The following SLC44A1 variants were observed in gnomAD, a reference collection of about 807,000 sequenced individuals.
SLC44A1 encodes the protein solute carrier family 44 member 1.
In SLC44A1, 26 loss-of-function variants were observed where a neutral mutation model predicts 79.3. The observed-to-expected ratio is 0.33, with a 90% CI of 0.24 to 0.46. SLC44A1 has a LOEUF of 0.46. Ranked by LOEUF, SLC44A1 falls within the 20% of genes least tolerant of loss-of-function variation. The probability of loss-of-function intolerance (pLI) is 1.00; values close to 1 mark genes in which losing one functional copy is unlikely to be tolerated. For synonymous variants in SLC44A1, 263 were observed against 286.2 expected (o/e 0.92, Z 0.82); for missense variants, 688 against 798.1 (o/e 0.86, Z 1.66).
intron 3 of SLC44A1, among the ~76,000 whole-genome samples, chr9:105,320,233 T>C (rs1826348025): frequency 6.6e-6 from 1 of 152,062 alleles, no homozygotes; most frequent in African/African-American, 2.4e-5. Flanking sequence ...ATTGTGTGGC[T>C]ATAACACAGT....
At chr9:105,250,254 A>G (rs907916931) in intron 1 of SLC44A1, among the ~76,000 whole-genome samples, 2 of 152,182 alleles carry the variant, frequency 1.3e-5, no homozygotes, top group South Asian at 2.1e-4. Flanking sequence ...TAAATTTCAC[A>G]CCACCATTTT....
chr9:105,244,913 C>T lies in SLC44A1; in HGVS notation c.36+9C>T. ...CCTCCTCCGCCGCGCAGGTGAGGGG[C>T]TCCCGCCTCCCGGCCGCCCGCCCGG... On this transcript the variant is annotated intron_variant, in intron 1 of 15. Coordinates refer to ENST00000374720, the MANE Select transcript of SLC44A1 (RefSeq NM_080546.5). 8.5e-7 allele frequency: 1 copy of T among 1,181,020 alleles called. No homozygotes were observed. The highest frequency in any genetic ancestry group is 1.0e-6 in the Non-Finnish European group (1 of 955,692). 73.2% of individuals were successfully genotyped at this position (1,181,020 alleles called of 1,614,324 possible). A position where few individuals can be genotyped will look rare whatever the true frequency, so the allele number is the denominator to read the frequency against.
intron 4 of SLC44A1, among the ~76,000 whole-genome samples, chr9:105,339,654 A>T (rs933997994): frequency 3.9e-5 from 6 of 152,106 alleles, no homozygotes; most frequent in Middle Eastern, 3.4e-3. Context: ...ACGTAGTGAG[A>T]TCTCGTCTCT....
At position 105,305,456 on chromosome 9, in the gene SLC44A1, C is replaced by T. The variant is rs575764705; in HGVS notation, c.127-4268C>T. 2.0e-5 allele frequency among the ~76,000 whole-genome samples: 3 copies of T among 152,216 alleles called. No homozygotes were observed. In the South Asian group the frequency reaches 6.2e-4, roughly 32 times the overall value. On this transcript the variant is annotated intron_variant, in intron 2 of 15. Transcript: ENST00000374720. ...CCCTATCTGCTGGGTCCCAATAGCC[C>T]TCTGTATCTTAAGGTTCTCAAAAGA...
At chr9:105,427,087 C>T (rs533743220) in intron 15 of SLC44A1, among the ~76,000 whole-genome samples, 7 of 152,178 alleles carry the variant, frequency 4.6e-5, no homozygotes, top group Non-Finnish European at 7.4e-5. Context: ...AGGCCCACCG[C>T]GCTCAGCTAA....
chr9:105,270,491 C>T (rs1178235887), intron 1 of SLC44A1, among the ~76,000 whole-genome samples: 3 of 152,132 alleles, frequency 2.0e-5, no homozygotes, highest in Admixed American at 1.3e-4. Context: ...CTTACTCTGG[C>T]TCTGCCTCCC....
chr9:105,356,800 A>T (rs546353967), intron 6 of SLC44A1, among the ~76,000 whole-genome samples: 2 of 152,166 alleles, frequency 1.3e-5, no homozygotes, highest in African/African-American at 2.4e-5. Flanking sequence ...CTTTTGAAGT[A>T]TGTAATTTTT....
intron 3 of SLC44A1, among the ~76,000 whole-genome samples, chr9:105,335,092 A>G (rs1826870017): frequency 6.6e-6 from 1 of 152,102 alleles, no homozygotes; most frequent in Non-Finnish European, 1.5e-5. Context: ...TCTATAATAT[A>G]TATTCATTTT....
chr9:105,274,181 G>T (rs544134212), intron 1 of SLC44A1, among the ~76,000 whole-genome samples: 2 of 152,022 alleles, frequency 1.3e-5, no homozygotes, highest in East Asian at 3.9e-4. Flanking sequence ...CCACTAATTC[G>T]CATTTTACCA....
chr9:105,274,869 C>A (rs1002734090), intron 1 of SLC44A1, among the ~76,000 whole-genome samples: 4 of 152,080 alleles, frequency 2.6e-5, no homozygotes, highest in African/African-American at 9.7e-5. Flanking sequence ...TTTAGTAGAG[C>A]CAGGAACTCT....
chr9:105,261,360 C>G (rs903682368), intron 1 of SLC44A1, among the ~76,000 whole-genome samples: 9 of 152,154 alleles, frequency 5.9e-5, no homozygotes, highest in African/African-American at 1.9e-4. Context: ...TTGTTTCTGG[C>G]CCACAGAGCA....
At chr9:105,338,774 A>G (rs1174550565) in intron 4 of SLC44A1, among the ~76,000 whole-genome samples, 5 of 152,220 alleles carry the variant, frequency 3.3e-5, no homozygotes, top group Non-Finnish European at 7.3e-5. Flanking sequence ...AATAATTTTT[A>G]TTAGAATCTA....
chr9:105,326,561 T>C (rs1313844380), intron 3 of SLC44A1, among the ~76,000 whole-genome samples: 1 of 152,210 alleles, frequency 6.6e-6, no homozygotes, highest in Non-Finnish European at 1.5e-5. Flanking sequence ...TGCTTTGCAA[T>C]GTTAGTATCT....
chr9:105,380,058 G>A (rs1418919647), intron 13 of SLC44A1, among the ~76,000 whole-genome samples: 1 of 152,178 alleles, frequency 6.6e-6, no homozygotes, highest in Non-Finnish European at 1.5e-5. Flanking sequence ...AAGGAAGGGA[G>A]AGAGGGAGAA....
At chr9:105,272,600 G>A (rs1830102972) in intron 1 of SLC44A1, among the ~76,000 whole-genome samples, 1 of 151,266 alleles carries the variant, frequency 6.6e-6, no homozygotes, top group Non-Finnish European at 1.5e-5. Context: ...CTCTTTACAG[G>A]TGAAAAAGCT....
intron 1 of SLC44A1, among the ~76,000 whole-genome samples, chr9:105,270,896 A>T (rs533141756): frequency 6.6e-6 from 1 of 152,318 alleles, no homozygotes; most frequent in Non-Finnish European, 1.5e-5. Context: ...CTCTATTTTT[A>T]GTTCAGAGCC....
rs556502972 is a variant in SLC44A1, at chr9:105,354,039, C to CTTTTTTTTTTTTTTT, written c.501-2158_501-2144dup. On this transcript the variant is annotated intron_variant, in intron 5 of 15. Coordinates refer to ENST00000374720, the MANE Select transcript of SLC44A1 (RefSeq NM_080546.5). ...TTGACTTAGAAATTTACAGTTAATCCTTTTTTTTTTTTTTTTTTTTTTTTT... is the reference window on the plus strand; with the variant it reads ...TTGACTTAGAAATTTACAGTTAATCCTTTTTTTTTTTTTTTTTTTTTTTTTTTTTTTTTTTTTTTT... Among the ~76,000 whole-genome samples, 7 of 98,482 alleles carry CTTTTTTTTTTTTTTT rather than the reference C, an allele frequency of 7.1e-5. 2 individuals are homozygous for CTTTTTTTTTTTTTTT. Among genetic ancestry groups the CTTTTTTTTTTTTTTT allele is most frequent in the African/African-American group, 3.5e-4 (7 of 19,762 alleles). 64.6% of individuals were successfully genotyped at this position (98,482 alleles called of 152,430 possible). A position where few individuals can be genotyped will look rare whatever the true frequency, so the allele number is the denominator to read the frequency against.
intron 4 of SLC44A1, among the ~76,000 whole-genome samples, chr9:105,347,772 A>G (rs961624453): frequency 3.3e-5 from 5 of 152,004 alleles, no homozygotes; most frequent in African/African-American, 7.2e-5. Flanking sequence ...TTTTCAGTTT[A>G]TTTACAGTTA....
At chr9:105,280,816 T>G (rs1317064331) in intron 1 of SLC44A1, among the ~76,000 whole-genome samples, 1 of 152,152 alleles carries the variant, frequency 6.6e-6, no homozygotes, top group Non-Finnish European at 1.5e-5. Flanking sequence ...ATTTCCATGG[T>G]GTATATACTC....
Sources: gnomAD v4.1 joint callset for allele counts (sites outside exome capture counted in the v4.1 genomes callset) on GRCh38, gnomAD v4.1.1 for gene constraint, MANE v1.5 for transcripts, NCBI Gene and HGNC (gene_info 2026-07-23, HGNC 2026-07-21) for gene names.